Variants in SEMA6D observed in about 807,000 individuals in gnomAD.
SEMA6D encodes semaphorin-6D.
Under a neutral mutation model 106.6 loss-of-function variants are expected in SEMA6D, and 35 were observed. The observed-to-expected ratio is 0.33, with a 90% CI of 0.25 to 0.44. The LOEUF (loss-of-function observed/expected upper bound fraction) is 0.44. Ranked by LOEUF, SEMA6D falls within the 20% of genes least tolerant of loss-of-function variation. The probability of loss-of-function intolerance (pLI) is 1.00; values close to 1 mark genes in which losing one functional copy is unlikely to be tolerated. For synonymous variants in SEMA6D, 499 were observed against 487.7 expected, an observed-to-expected ratio of 1.02 and a Z score of -0.31; for missense variants, 1,185 against 1,345.9, an observed-to-expected ratio of 0.88 and a Z score of 1.87.
chr15:47,208,877 A>G (rs10083618), intron 1 of SEMA6D, among the ~76,000 whole-genome samples: 10,330 of 152,218 alleles, frequency 0.068, 1,301 homozygotes, highest in East Asian at 0.6. Flanking sequence ...TGGGATAACT[A>G]GAGTCCCTCA....
intron 1 of SEMA6D, among the ~76,000 whole-genome samples, chr15:47,309,137 A>G (rs1288039105): frequency 2.0e-5 from 3 of 152,224 alleles, no homozygotes; most frequent in African/African-American, 4.8e-5. Flanking sequence ...TTGAAAATAC[A>G]TTTAATACAG....
chr15:47,396,701 A>C (rs1282112420), intron 1 of SEMA6D: 2 of 152,202 alleles, frequency 1.3e-5, no homozygotes, highest in African/African-American at 2.4e-5. Flanking sequence ...TGCAGCTCCC[A>C]GTCCACTGAC....
At chr15:47,432,796 G>T (rs966671409) in intron 2 of SEMA6D, among the ~76,000 whole-genome samples, 1 of 152,072 alleles carries the variant, frequency 6.6e-6, no homozygotes, top group Non-Finnish European at 1.5e-5. Flanking sequence ...GAGAACCACT[G>T]TGTGGAAAAA....
chr15:47,507,342 C>G (rs60188114), intron 3 of SEMA6D, among the ~76,000 whole-genome samples: 10 of 114,630 alleles, frequency 8.7e-5, no homozygotes, highest in South Asian at 3.9e-4. Context: ...GTGGGACACC[C>G]CCCCCCACCC....
At chr15:47,545,132 A>G (rs1490890218) in intron 3 of SEMA6D, among the ~76,000 whole-genome samples, 2 of 152,168 alleles carry the variant, frequency 1.3e-5, no homozygotes. Flanking sequence ...ATGTAGACAT[A>G]TACCAAAGAG....
intron 4 of SEMA6D, among the ~76,000 whole-genome samples, chr15:47,678,854 G>A (rs1330676270): frequency 6.6e-6 from 1 of 151,998 alleles, no homozygotes; most frequent in East Asian, 1.9e-4. Flanking sequence ...GTGTTATTGT[G>A]CAGTGTTTTG....
chr15:47,678,277 G>A (rs970926463), intron 4 of SEMA6D, among the ~76,000 whole-genome samples: 19 of 152,076 alleles, frequency 1.2e-4, no homozygotes, highest in Non-Finnish European at 5.9e-5. Context: ...CAAACAATGA[G>A]TCAGCAGCTG....
intron 1 of SEMA6D, among the ~76,000 whole-genome samples, chr15:47,232,409 A>G (rs1279930160): frequency 6.6e-6 from 1 of 151,892 alleles, no homozygotes; most frequent in African/African-American, 2.4e-5. Context: ...GAAAGTTTTG[A>G]GGAACTGTCA....
chr15:47,518,046 G>C (rs1258706914), intron 3 of SEMA6D, among the ~76,000 whole-genome samples: 2 of 152,114 alleles, frequency 1.3e-5, no homozygotes, highest in African/African-American at 2.4e-5. Flanking sequence ...ACTGTGTCCT[G>C]AACTTCTTAG....
intron 4 of SEMA6D, among the ~76,000 whole-genome samples, chr15:47,613,754 C>A (rs1020742523): frequency 6.6e-6 from 1 of 151,976 alleles, no homozygotes; most frequent in African/African-American, 2.4e-5. Context: ...CCCAGGTTCA[C>A]GCCATTCTCC....
In SEMA6D at chr15:47,764,894, C is replaced by T. The variant is rs763090875; in HGVS notation, c.1265C>T (p.Thr422Met). The change falls in exon 13 of 19, where the codon ACG becomes ATG. Residue 422 changes from threonine to methionine, a missense_variant. Thr to Met is a moderately conservative substitution (Grantham distance 81). Transcript: ENST00000536845. ...GCCTCCTCTTGTAGGTACAGACTGA[C>T]GGCCATCTCAGTGGACCATTCAGCC... The part of the protein sequence containing the change: ...FTKTRVRYRL[T>M]AISVDHSAGP... 1.1e-5 allele frequency: 17 copies of T among 1,613,750 alleles called. No homozygotes were observed. The highest frequency in any genetic ancestry group is 9.3e-5 in the African/African-American group (7 of 74,920).
intron 2 of SEMA6D, among the ~76,000 whole-genome samples, chr15:47,422,180 G>GCCTGCCTGCCTGCCTGCCTT (rs1455030787): frequency 9.7e-5 from 11 of 112,872 alleles, no homozygotes; most frequent in African/African-American, 3.5e-4. Context: ...CCGCCTGCCT[G>GCCTGCCTGCCTGCCTGCCTT]CCTTCCTTCC....
intron 2 of SEMA6D, among the ~76,000 whole-genome samples, chr15:47,417,079 G>A (rs1168620464): frequency 3.3e-5 from 5 of 151,974 alleles, no homozygotes; most frequent in Admixed American, 6.6e-5. Flanking sequence ...TATCACTAAA[G>A]GATTCTGCTA....
intron 4 of SEMA6D, among the ~76,000 whole-genome samples, chr15:47,624,083 G>T (rs1248690830): frequency 6.6e-6 from 1 of 152,094 alleles, no homozygotes; most frequent in Non-Finnish European, 1.5e-5. Flanking sequence ...CAGAACTGCC[G>T]TCCGTACCCA....
At chr15:47,645,447 A>C (rs2077564196) in intron 4 of SEMA6D, among the ~76,000 whole-genome samples, 1 of 152,188 alleles carries the variant, frequency 6.6e-6, no homozygotes, top group South Asian at 2.1e-4. Flanking sequence ...TGCTGGCAGA[A>C]TGGGTGTGGG....
chr15:47,744,951 G>A (rs998040342), intron 1 of SEMA6D, among the ~76,000 whole-genome samples: 3 of 152,174 alleles, frequency 2.0e-5, no homozygotes, highest in Admixed American at 6.5e-5. Context: ...TTGGGAAACC[G>A]AGGCTGGAAG....
intron 4 of SEMA6D, among the ~76,000 whole-genome samples, chr15:47,703,059 A>G (rs925127740): frequency 1.3e-5 from 2 of 152,234 alleles, no homozygotes; most frequent in Non-Finnish European, 2.9e-5. Context: ...ACATAGCTCT[A>G]TGTGAAAATG....
At position 47,290,867 on chromosome 15, in the gene SEMA6D, A is replaced by T. The variant is rs1185188811; in HGVS notation, c.-239+106449A>T. ...ATAGAGTAAGTAAAACATTTATTGC[A>T]TGAGGTTATTTAAGAAATTTGTAGC... On this transcript the variant is annotated intron_variant, in intron 1 of 19. Coordinates refer to the SEMA6D transcript ENST00000558014. Among the ~76,000 whole-genome samples, 4 of 152,352 alleles carry T rather than the reference A, an allele frequency of 2.6e-5. No individual in the cohort carries two copies. The East Asian group carries it at 7.7e-4, about 29-fold the overall frequency.
intron 3 of SEMA6D, among the ~76,000 whole-genome samples, chr15:47,549,611 A>G (rs1015268470): frequency 6.6e-6 from 1 of 152,062 alleles, no homozygotes; most frequent in African/African-American, 2.4e-5. Flanking sequence ...GAATACAAAC[A>G]CATTTTCACC....
Sources: allele counts gnomAD v4.1 joint callset (sites outside exome capture counted in the v4.1 genomes callset), GRCh38; gene constraint gnomAD v4.1.1; transcripts MANE v1.5; gene names NCBI Gene and HGNC (gene_info 2026-07-23, HGNC 2026-07-21).